The following PUDP variants were observed in gnomAD, a reference collection of about 807,000 sequenced individuals.
PUDP encodes pseudouridine-5'-phosphatase.
PUDP carries 8 observed loss-of-function variants against 9.4 expected under a neutral mutation model. That is an observed-to-expected ratio of 0.85 (90% CI 0.50 to 1.53). The LOEUF (loss-of-function observed/expected upper bound fraction) is 1.53. Ranked by LOEUF, PUDP falls within the 40% of genes most tolerant of loss-of-function variation. The pLI is 0.00. For synonymous variants in PUDP, 99 were observed against 80.7 expected, an observed-to-expected ratio of 1.23 and a Z score of -1.22; for missense variants, 188 against 189.7, an observed-to-expected ratio of 0.99 and a Z score of 0.05.
intron 3 of PUDP, among the ~76,000 whole-genome samples, chrX:6,976,339 G>A (rs900967997): frequency 2.4e-4 from 27 of 111,912 alleles, no homozygotes; most frequent in Admixed American, 2.2e-3. Context: ...TATAGATACC[G>A]GAGGGAATCT....
chrX:7,002,061 A>G (rs1929332621), intron 1 of PUDP, among the ~76,000 whole-genome samples: 1 of 111,970 alleles, frequency 8.9e-6, no homozygotes, highest in Non-Finnish European at 1.9e-5. Context: ...CACGTAAGTC[A>G]CCATGGCTCA....
rs975694336 is a variant in PUDP, at chrX:7,105,793, C to T, written c.107G>A (p.Arg36His). ...YSVVFQEICN[R>H]YDKKYSWDVK... ...ATCCCAGCTGTATTTCTTGTCATAG[C>T]GATTACATATTTCTTGAAACACCAC... The change falls in exon 2 of 4, where the codon CGC becomes CAC. Residue 36 changes from arginine to histidine, a missense_variant. Coordinates refer to ENST00000381077, the MANE Select transcript of PUDP (RefSeq NM_012080.5). 2.5e-6 allele frequency: 3 copies of T among 1,206,463 alleles called. No individual in the cohort carries two copies. Among genetic ancestry groups the T allele is most frequent in the Admixed American group, 2.2e-5 (1 of 45,558 alleles).
intron 1 of PUDP, among the ~76,000 whole-genome samples, chrX:7,001,944 A>G: frequency 8.9e-6 from 1 of 111,896 alleles, no homozygotes; most frequent in East Asian, 2.8e-4. Flanking sequence ...ATCAATAGCC[A>G]TAAATAAAAA....
At chrX:6,868,347 C>T (rs1252867674) in intron 3 of PUDP, among the ~76,000 whole-genome samples, 3 of 112,077 alleles carry the variant, frequency 2.7e-5, no homozygotes, top group Non-Finnish European at 3.8e-5. Context: ...AGTGGCCTGA[C>T]CCTGTGCTCC....
intron 3 of PUDP, among the ~76,000 whole-genome samples, chrX:6,860,476 T>G (rs1298690535): frequency 9.9e-6 from 1 of 101,137 alleles, no homozygotes; most frequent in Admixed American, 1.1e-4. Context: ...TTGTTTTTTG[T>G]TTTTTGTTTT....
At position 6,741,160 on chromosome X, in the gene PUDP, CA is replaced by C. The variant is rs533050762; in HGVS notation, c.*248-34695del. Among the ~76,000 whole-genome samples, 500 of 78,638 alleles carry C rather than the reference CA, an allele frequency of 6.4e-3. 3 individuals carry two copies. The highest frequency in any genetic ancestry group is 0.016 in the African/African-American group (340 of 21,443). The allele number at this position is 78,638 out of a possible 115,157, so 68.3% of individuals were successfully genotyped here. ...GGCGACAGAGTTAAGACTCCATCTC[CA>C]AAAAAAAAAAAAAAACTCGGCAGAG... is the stretch of plus-strand genomic sequence containing the variant. On this transcript the variant is annotated intron_variant and NMD_transcript_variant, in intron 3 of 3. Transcript: ENST00000655425.
chrX:6,845,520 T>C (rs1304564784), intron 3 of PUDP, among the ~76,000 whole-genome samples: 4 of 112,068 alleles, frequency 3.6e-5, no homozygotes, highest in Non-Finnish European at 7.5e-5. Flanking sequence ...ATGTTTCAAG[T>C]CCTTATAAGG....
chrX:6,953,906 G>A (rs1928588818), intron 3 of PUDP, among the ~76,000 whole-genome samples: 1 of 111,111 alleles, frequency 9.0e-6, no homozygotes, highest in East Asian at 2.9e-4. Flanking sequence ...GGGACCTGGT[G>A]GGAGGTAATT....
intron 3 of PUDP, among the ~76,000 whole-genome samples, chrX:6,836,707 T>C (rs978879834): frequency 2.7e-5 from 3 of 111,918 alleles, no homozygotes; most frequent in African/African-American, 9.8e-5. Flanking sequence ...TCTTATAGCC[T>C]CCACACATCA....
At chrX:6,829,255 A>C (rs2146711974) in intron 3 of PUDP, among the ~76,000 whole-genome samples, 1 of 111,259 alleles carries the variant, frequency 9.0e-6, no homozygotes, top group Non-Finnish European at 1.9e-5. Context: ...TGAATGGATT[A>C]AGACACTTAT....
intron 3 of PUDP, among the ~76,000 whole-genome samples, chrX:6,928,809 G>A (rs1928145696): frequency 9.0e-6 from 1 of 111,136 alleles, no homozygotes; most frequent in Admixed American, 9.6e-5. Flanking sequence ...GAGGTAGGAG[G>A]ATCTCTTGAG....
intron 3 of PUDP, among the ~76,000 whole-genome samples, chrX:6,750,949 C>G (rs1177398873): frequency 4.5e-5 from 5 of 110,713 alleles, no homozygotes; most frequent in African/African-American, 9.9e-5. Flanking sequence ...ACCATCCTGG[C>G]TAACACGGTA....
chrX:7,110,125 G>A (rs1027878021), intron 1 of PUDP, among the ~76,000 whole-genome samples: 1 of 111,744 alleles, frequency 8.9e-6, no homozygotes, highest in African/African-American at 3.3e-5. Flanking sequence ...AAAGACTGGC[G>A]GGTGTTTTCA....
At chrX:6,799,498 ATTT>A (rs1329021232) in intron 3 of PUDP, among the ~76,000 whole-genome samples, 1 of 112,179 alleles carries the variant, frequency 8.9e-6, no homozygotes, top group African/African-American at 3.2e-5. Flanking sequence ...GATAAACAGC[ATTT>A]TTAGCTATCA....
chrX:6,962,674 C>T (rs1036922235), intron 3 of PUDP, among the ~76,000 whole-genome samples: 6 of 112,040 alleles, frequency 5.4e-5, no homozygotes, highest in Non-Finnish European at 1.1e-4. Flanking sequence ...TTTTTGAGTT[C>T]CATACAATGT....
chrX:7,130,180 G>C (rs1932582913), intron 1 of PUDP, among the ~76,000 whole-genome samples: 1 of 111,254 alleles, frequency 9.0e-6, no homozygotes, highest in African/African-American at 3.3e-5. Context: ...GAAGGGAGTA[G>C]AATAAAAGGA....
At chrX:6,851,977 A>T (rs1218715524) in intron 3 of PUDP, among the ~76,000 whole-genome samples, 3 of 112,475 alleles carry the variant, frequency 2.7e-5, no homozygotes, top group Non-Finnish European at 5.6e-5. Flanking sequence ...CTGAAGAATG[A>T]ATTTGGAACA....
At chrX:6,809,838 C>T (rs1356126202) in intron 3 of PUDP, among the ~76,000 whole-genome samples, 2 of 111,130 alleles carry the variant, frequency 1.8e-5, no homozygotes, top group Non-Finnish European at 3.8e-5. Flanking sequence ...CCTATACCTC[C>T]TTAGGATGCA....
chrX:7,073,660 C>G (rs1930811125), intron 3 of PUDP, among the ~76,000 whole-genome samples: 1 of 112,890 alleles, frequency 8.9e-6, no homozygotes, highest in Admixed American at 9.3e-5. Flanking sequence ...ACCAGGGCTG[C>G]TTCCCTGACA....
Sources: allele counts gnomAD v4.1 joint callset (sites outside exome capture counted in the v4.1 genomes callset), GRCh38; gene constraint gnomAD v4.1.1; transcripts MANE v1.5; gene names NCBI Gene and HGNC (gene_info 2026-07-23, HGNC 2026-07-21).